SPOCK3: variants seen among roughly 807,000 people sequenced by gnomAD.
SPOCK3 encodes testican-3.
Under a neutral mutation model 56.6 loss-of-function variants are expected in SPOCK3, and 30 were observed. The ratio of observed to expected loss-of-function variants is 0.53; its 90% CI spans 0.40 to 0.72. The LOEUF is 0.72. Ranked by LOEUF, SPOCK3 falls within the 30% of genes least tolerant of loss-of-function variation. The pLI is 0.00. For missense variants in SPOCK3, 527 were observed against 530.0 expected, an observed-to-expected ratio of 0.99 and a Z score of 0.06; for synonymous variants, 196 against 183.3, an observed-to-expected ratio of 1.07 and a Z score of -0.56.
intron 7 of SPOCK3, among the ~76,000 whole-genome samples, chr4:166,787,355 CATA>C (rs1178832804): frequency 9.2e-5 from 14 of 152,200 alleles, no homozygotes; most frequent in Admixed American, 6.5e-4. Context: ...CATGTTTGCA[CATA>C]ATATCACTAT....
At chr4:166,910,083 C>G (rs1039660155) in intron 5 of SPOCK3, among the ~76,000 whole-genome samples, 1 of 152,050 alleles carries the variant, frequency 6.6e-6, no homozygotes, top group Non-Finnish European at 1.5e-5. Context: ...ATAGTTTCAC[C>G]TAAATCTTTA....
intron 7 of SPOCK3, among the ~76,000 whole-genome samples, chr4:166,771,019 T>C (rs991392649): frequency 2.0e-5 from 3 of 149,322 alleles, no homozygotes; most frequent in African/African-American, 7.3e-5. Context: ...ATGCTATATA[T>C]ATTATACATA....
chr4:166,951,562 A>C (rs1275761430), intron 4 of SPOCK3, among the ~76,000 whole-genome samples: 3 of 138,156 alleles, frequency 2.2e-5, no homozygotes, highest in Non-Finnish European at 4.6e-5. Context: ...AAAAGAGGGA[A>C]TCCTCCCTAA....
At chr4:167,222,647 TC>T (rs1369431001) in intron 2 of SPOCK3, among the ~76,000 whole-genome samples, 12 of 139,134 alleles carry the variant, frequency 8.6e-5, no homozygotes, top group South Asian at 2.2e-4. Flanking sequence ...TATTATATAT[TC>T]ATATATAAAT....
chr4:167,083,922 G>A (rs1757950465), intron 2 of SPOCK3, among the ~76,000 whole-genome samples: 1 of 152,044 alleles, frequency 6.6e-6, no homozygotes, highest in Non-Finnish European at 1.5e-5. Flanking sequence ...CATCGCCTGG[G>A]TAGGCTAACT....
chr4:167,042,225 G>C (rs1388874402), intron 3 of SPOCK3, among the ~76,000 whole-genome samples: 1 of 152,138 alleles, frequency 6.6e-6, no homozygotes, highest in Non-Finnish European at 1.5e-5. Context: ...TTATCTATGA[G>C]TTTCGAATCA....
At chr4:166,890,000 G>A (rs1002557297) in intron 5 of SPOCK3, among the ~76,000 whole-genome samples, 2 of 151,736 alleles carry the variant, frequency 1.3e-5, no homozygotes, top group African/African-American at 4.8e-5. Context: ...TCTAATCCTC[G>A]TGTGCAAATG....
chr4:166,745,231 C>A (rs937034364), intron 8 of SPOCK3, among the ~76,000 whole-genome samples: 3 of 152,090 alleles, frequency 2.0e-5, no homozygotes, highest in Non-Finnish European at 4.4e-5. Context: ...TTAAGGGCAG[C>A]CAGAGAGAAA....
intron 8 of SPOCK3, among the ~76,000 whole-genome samples, chr4:166,744,594 G>A (rs1166794080): frequency 1.3e-5 from 2 of 152,284 alleles, no homozygotes; most frequent in African/African-American, 2.4e-5. Context: ...AAGGAACGCA[G>A]CTCCTCACCA....
At chr4:166,876,708 T>A (rs2126965095) in intron 6 of SPOCK3, among the ~76,000 whole-genome samples, 1 of 152,232 alleles carries the variant, frequency 6.6e-6, no homozygotes, top group East Asian at 1.9e-4. Context: ...TTTTTAACAT[T>A]TAGTATCAAA....
chr4:167,204,319 C>T (rs532489910), intron 2 of SPOCK3, among the ~76,000 whole-genome samples: 1 of 152,126 alleles, frequency 6.6e-6, no homozygotes, highest in South Asian at 2.1e-4. Context: ...TCTCACACTG[C>T]TACGAAGAAA....
intron 5 of SPOCK3, among the ~76,000 whole-genome samples, chr4:166,904,813 T>C (rs1189335557): frequency 6.6e-6 from 1 of 152,044 alleles, no homozygotes; most frequent in African/African-American, 2.4e-5. Context: ...TATATATGGT[T>C]TCTTTATATC....
intron 8 of SPOCK3, among the ~76,000 whole-genome samples, chr4:166,745,165 C>G (rs1330662697): frequency 1.3e-5 from 2 of 152,040 alleles, no homozygotes; most frequent in Admixed American, 6.6e-5. Flanking sequence ...TCAAGAAGAG[C>G]AACCCCAAGA....
intron 2 of SPOCK3, among the ~76,000 whole-genome samples, chr4:167,162,722 A>G (rs879308461): frequency 6.6e-6 from 1 of 151,998 alleles, no homozygotes; most frequent in African/African-American, 2.4e-5. Context: ...TGCCTCCCCT[A>G]TCATGGCAAA....
chr4:166,986,683 A>G (rs571157451), intron 4 of SPOCK3, among the ~76,000 whole-genome samples: 8 of 152,268 alleles, frequency 5.3e-5, no homozygotes, highest in African/African-American at 1.9e-4. Flanking sequence ...AGGGACTCTA[A>G]TTTCCAAGAA....
chr4:166,871,975 C>A (rs1026040759), intron 6 of SPOCK3, among the ~76,000 whole-genome samples: 1 of 150,996 alleles, frequency 6.6e-6, no homozygotes, highest in African/African-American at 2.4e-5. Context: ...AAGTTTAATA[C>A]CCACTCTTGA....
chr4:166,813,425 A>T (rs1333997182), intron 6 of SPOCK3, among the ~76,000 whole-genome samples: 1 of 152,056 alleles, frequency 6.6e-6, no homozygotes, highest in Non-Finnish European at 1.5e-5. Flanking sequence ...CCTCAACTTG[A>T]AGAACAGCAA....
chr4:167,171,133 CA>C (rs1730462416), intron 2 of SPOCK3, among the ~76,000 whole-genome samples: 1 of 152,026 alleles, frequency 6.6e-6, no homozygotes, highest in Non-Finnish European at 1.5e-5. Context: ...AGTTAAAACA[CA>C]TTTGCTATGA....
At chr4:166,968,149 TTC>T (rs1744948772) in intron 4 of SPOCK3, among the ~76,000 whole-genome samples, 1 of 152,206 alleles carries the variant, frequency 6.6e-6, no homozygotes, top group South Asian at 2.1e-4. Flanking sequence ...CCTATGCTCA[TTC>T]ACATAAACAA....
Sources: allele counts gnomAD v4.1 joint callset (sites outside exome capture counted in the v4.1 genomes callset), GRCh38; gene constraint gnomAD v4.1.1; transcripts MANE v1.5; gene names NCBI Gene and HGNC (gene_info 2026-07-23, HGNC 2026-07-21).